The following POLA1 variants were observed in gnomAD, a reference collection of about 807,000 sequenced individuals.
The protein encoded by POLA1 is DNA polymerase alpha catalytic subunit.
POLA1 carries 15 observed loss-of-function variants against 124.0 expected under a neutral mutation model. The ratio of observed to expected loss-of-function variants is 0.12; its 90% CI spans 0.08 to 0.19. POLA1 has a LOEUF of 0.19. Ranked by LOEUF, POLA1 falls within the 10% of genes least tolerant of loss-of-function variation. The pLI is 1.00. For synonymous variants in POLA1, 408 were observed against 389.4 expected (o/e 1.05, Z -0.56); for missense variants, 886 against 1,103.4 (o/e 0.80, Z 2.79).
intron 15 of POLA1, among the ~76,000 whole-genome samples, chrX:24,731,795 T>A (rs917456760): frequency 9.0e-6 from 1 of 111,411 alleles, no homozygotes. Flanking sequence ...CCAGATAAAA[T>A]GATGGGTTTG....
intron 26 of POLA1, among the ~76,000 whole-genome samples, chrX:24,760,131 A>T: frequency 8.9e-6 from 1 of 112,334 alleles, no homozygotes. Flanking sequence ...GTCTGGTTCT[A>T]CAGTTGGTCT....
chrX:24,870,171 A>G (rs1240008823), intron 34 of POLA1, among the ~76,000 whole-genome samples: 4 of 111,916 alleles, frequency 3.6e-5, no homozygotes, highest in Admixed American at 2.8e-4. Flanking sequence ...AACTGTACCC[A>G]CATAGTGTTA....
intron 4 of POLA1, among the ~76,000 whole-genome samples, chrX:24,709,849 G>T (rs1309814224): frequency 1.7e-5 from 1 of 59,348 alleles, no homozygotes; most frequent in Non-Finnish European, 3.1e-5. Flanking sequence ...GGGAAGAGGC[G>T]CTCCTCACTT....
chrX:24,977,226 G>A (rs1037456813), intron 36 of POLA1, among the ~76,000 whole-genome samples: 3 of 112,074 alleles, frequency 2.7e-5, no homozygotes, highest in Admixed American at 9.5e-5. Context: ...CTGAGAAAGA[G>A]TACTTGGCAG....
At chrX:24,788,421 T>C in intron 26 of POLA1, 1 of 1,197,627 alleles carries the variant, frequency 8.3e-7, no homozygotes, top group Non-Finnish European at 1.1e-6. Context: ...GCCACATCCA[T>C]GGACTGCACG....
intron 34 of POLA1, among the ~76,000 whole-genome samples, chrX:24,876,687 G>T (rs45515907): frequency 3.7e-4 from 38 of 103,047 alleles, no homozygotes; most frequent in Non-Finnish European, 6.0e-4. Context: ...GGGTCGGGGG[G>T]GGGGATAGTG....
At chrX:24,723,925 C>T (rs759372667) in intron 11 of POLA1, among the ~76,000 whole-genome samples, 14 of 112,405 alleles carry the variant, frequency 1.2e-4, no homozygotes, top group East Asian at 2.8e-4. Context: ...GTGATCTGCC[C>T]GCCTTGGCCT....
intron 26 of POLA1, among the ~76,000 whole-genome samples, chrX:24,750,498 T>C (rs1219213541): frequency 8.9e-6 from 1 of 112,424 alleles, no homozygotes; most frequent in Non-Finnish European, 1.9e-5. Flanking sequence ...CTAGCTGGTA[T>C]ATGAAATAAA....
chrX:24,725,994 A>G lies in POLA1; in HGVS notation c.1331A>G (p.Asn444Ser). ...CTACTTACCCAGCCAGTGGAAAAGAACTATGCTTTTGAGATACCTGATGTT... is the reference window on the plus strand; with the variant it reads ...CTACTTACCCAGCCAGTGGAAAAGAGCTATGCTTTTGAGATACCTGATGTT... ...MKFKSKPVEK[N>S]YAFEIPDVPE... The change falls in exon 13 of 37, where the codon AAC becomes AGC. Residue 444 changes from asparagine to serine, a missense_variant. By Grantham distance (46) the Asn-to-Ser change is conservative. Transcript: ENST00000379068. 1 of 1,183,889 alleles carries G rather than the reference A, an allele frequency of 8.4e-7. No individual in the cohort carries two copies. Among genetic ancestry groups the G allele is most frequent in the Non-Finnish European group, 1.1e-6 (1 of 872,490 alleles).
At chrX:24,791,875 G>A (rs1470942128) in intron 26 of POLA1, among the ~76,000 whole-genome samples, 1 of 111,706 alleles carries the variant, frequency 9.0e-6, no homozygotes, top group Non-Finnish European at 1.9e-5. Flanking sequence ...AGCAAATTTA[G>A]GATTATTTCA....
At chrX:24,865,590 A>AT (rs747142749) in intron 34 of POLA1, among the ~76,000 whole-genome samples, 34 of 111,938 alleles carry the variant, frequency 3.0e-4, no homozygotes, top group Middle Eastern at 4.6e-3. Flanking sequence ...AAACACAGAG[A>AT]TTTTTAAATA....
At chrX:24,718,302 T>C (rs1411358930) in intron 10 of POLA1, among the ~76,000 whole-genome samples, 3 of 111,181 alleles carry the variant, frequency 2.7e-5, no homozygotes, top group Non-Finnish European at 5.7e-5. Flanking sequence ...ATGAGATAAA[T>C]TGATAAATGA....
intron 15 of POLA1, among the ~76,000 whole-genome samples, chrX:24,728,316 T>C (rs1399641812): frequency 2.7e-5 from 3 of 111,898 alleles, no homozygotes; most frequent in Admixed American, 1.9e-4. Flanking sequence ...AGACATTGTG[T>C]CATTTTCCCT....
chrX:24,977,397 G>C lies in POLA1; in HGVS notation c.4262-18408G>C, dbSNP rs747951815. On this transcript the variant is annotated intron_variant, in intron 36 of 36. Coordinates refer to ENST00000379068, the MANE Select transcript of POLA1 (RefSeq NM_001330360.2). ...TTTTTAGTGTTGCTTTTGAAAAGTT[G>C]AAAGCTTTTCTGAGTCCTAATCCTT... Among the ~76,000 whole-genome samples, 4 of 112,501 alleles carry C rather than the reference G, an allele frequency of 3.6e-5. No individual in the cohort carries two copies. In the South Asian group the frequency reaches 1.1e-3, roughly 31 times the overall value.
rs1391205449 is a variant in POLA1, at chrX:24,703,247, G to T, written c.169-4G>T. 4.3e-6 allele frequency: 5 copies of T among 1,174,611 alleles called. No individual in the cohort carries two copies. In the African/African-American group the frequency reaches 5.3e-5, roughly 13 times the overall value. On this transcript the variant is annotated splice_polypyrimidine_tract_variant and splice_region_variant and intron_variant, in intron 2 of 36. Coordinates refer to ENST00000379068, the MANE Select transcript of POLA1 (RefSeq NM_001330360.2). ...CTTTTTTCCTGAAACTTGTATAATGGTAGGTCGAGGACTTCACAGGTGTTT... is the reference window on the plus strand; with the variant it reads ...CTTTTTTCCTGAAACTTGTATAATGTTAGGTCGAGGACTTCACAGGTGTTT...
chrX:24,918,197 C>G (rs1247996126), intron 35 of POLA1, among the ~76,000 whole-genome samples: 1 of 107,117 alleles, frequency 9.3e-6, no homozygotes, highest in Non-Finnish European at 1.9e-5. Flanking sequence ...CACACCCCAC[C>G]CATCACCACC....
intron 21 of POLA1, 123 bp from the exon 22 acceptor site, chrX:24,741,873 TAAAAAA>T: frequency 2.5e-6 from 1 of 399,434 alleles, no homozygotes; most frequent in Non-Finnish European, 4.1e-6. Context: ...TTTTTTTTTT[TAAAAAA>T]AAAGCAGACC....
In POLA1 at chrX:24,996,029, C is replaced by G; in HGVS notation, c.*79C>G. On this transcript the variant is annotated 3_prime_UTR_variant, in exon 37 of 37. Coordinates refer to ENST00000379068, the MANE Select transcript of POLA1 (RefSeq NM_001330360.2). Reference sequence around the variant, plus strand: ...TGTGCCTCCACTCTGGCCCTAAATGCTCCTCCAGCATCTGTTTCTCCCTTG... The same window carrying G: ...TGTGCCTCCACTCTGGCCCTAAATGGTCCTCCAGCATCTGTTTCTCCCTTG... 4.5e-6 allele frequency: 4 copies of G among 895,302 alleles called. No individual in the cohort carries two copies. The South Asian group carries it at 9.5e-5, about 21-fold the overall frequency. The allele number at this position is 895,302 out of a possible 1,213,427, so 73.8% of individuals were successfully genotyped here.
chrX:24,702,269 A>T (rs780622895), intron 2 of POLA1, among the ~76,000 whole-genome samples: 16 of 109,652 alleles, frequency 1.5e-4, no homozygotes, highest in African/African-American at 5.3e-4. Flanking sequence ...GGGTTTCACT[A>T]TGTTGGCCAG....
Sources: allele counts gnomAD v4.1 joint callset (sites outside exome capture counted in the v4.1 genomes callset), GRCh38; gene constraint gnomAD v4.1.1; transcripts MANE v1.5; gene names NCBI Gene and HGNC (gene_info 2026-07-23, HGNC 2026-07-21).